CLCN1: variants seen among roughly 807,000 people sequenced by gnomAD.
CLCN1 encodes the protein chloride voltage-gated channel 1.
A neutral mutation model predicts 114.5 loss-of-function variants in CLCN1; 100 were observed. That is an observed-to-expected ratio of 0.87 (90% CI 0.74 to 1.03). CLCN1 has a LOEUF of 1.03. Among genes scored for constraint, CLCN1 ranks in the 50% least tolerant of loss-of-function variants. The pLI, the probability that CLCN1 is intolerant of heterozygous loss-of-function variation, is 0.00. For synonymous variants in CLCN1, 485 were observed against 487.1 expected (o/e 1.00, Z 0.06); for missense variants, 1,188 against 1,250.0 (o/e 0.95, Z 0.75).
chr7:143,321,684 G>T lies in CLCN1; in HGVS notation c.563-31G>T, dbSNP rs768733291. Reference sequence around the variant, plus strand: ...TCATCTCCCTTTTCACCTTCACCTTGACCCTGCACATAATCTTTCAACGCT... The same window carrying T: ...TCATCTCCCTTTTCACCTTCACCTTTACCCTGCACATAATCTTTCAACGCT... On this transcript the variant is annotated intron_variant, in intron 4 of 22. Transcript: ENST00000343257. The surrounding 1 kb of genome is among the most constrained non-coding windows in gnomAD (Gnocchi z 4.2). 1 of 1,613,944 alleles carries T rather than the reference G, an allele frequency of 6.2e-7. No individual in the cohort carries two copies. Among genetic ancestry groups the T allele is most frequent in the Non-Finnish European group, 8.5e-7 (1 of 1,179,938 alleles).
rs924436877 is a variant in CLCN1 at position 143,324,649 on chromosome 7, A to G, written c.853+157A>G. Among the ~76,000 whole-genome samples the G allele has an allele frequency of 6.6e-6, 1 of 152,236 alleles. No individual in the cohort carries two copies. Among genetic ancestry groups the G allele is most frequent in the Non-Finnish European group, 1.5e-5 (1 of 68,044 alleles). ...CTATGTGCCAGGCAATGTTTAAAGC[A>G]CTTACTTTTATTCCTGGCCAAAGCC... On this transcript the variant is annotated intron_variant, in intron 7 of 22. Transcript: ENST00000343257. This position sits in a 1 kb window ranked among gnomAD's most constrained non-coding sequence, Gnocchi z 4.6.
chr7:143,319,738 A>T lies in CLCN1; in HGVS notation c.181-17A>T. Reference sequence around the variant, plus strand: ...GTCTTCCACAAGGCAGACACTGATCATTCTCTCTCTGTCCAGATTTATGGC... The same window carrying T: ...GTCTTCCACAAGGCAGACACTGATCTTTCTCTCTCTGTCCAGATTTATGGC... On this transcript the variant is annotated splice_polypyrimidine_tract_variant and intron_variant, in intron 1 of 22. Transcript: ENST00000343257. 1 of 1,613,560 alleles carries T rather than the reference A, an allele frequency of 6.2e-7. No individual in the cohort carries two copies. Among genetic ancestry groups the T allele is most frequent in the Non-Finnish European group, 8.5e-7 (1 of 1,179,480 alleles).
chr7:143,321,236 G>C lies in CLCN1; in HGVS notation c.434-129G>C. 9.0e-7 allele frequency: 1 copy of C among 1,109,428 alleles called. No individual in the cohort carries two copies. Among genetic ancestry groups the C allele is most frequent in the African/African-American group, 1.5e-5 (1 of 64,862 alleles). The allele number at this position is 1,109,428 out of a possible 1,614,324, so 68.7% of individuals were successfully genotyped here. On this transcript the variant is annotated intron_variant, in intron 3 of 22. Transcript: ENST00000343257. This position sits in a 1 kb window ranked among gnomAD's most constrained non-coding sequence, Gnocchi z 4.2. Reference sequence around the variant, plus strand: ...CTCAGGCTTCCCATGTGTCAAATGAGAGCAGCACCATCTCAGAAGGGGCAC... The same window carrying C: ...CTCAGGCTTCCCATGTGTCAAATGACAGCAGCACCATCTCAGAAGGGGCAC...
chr7:143,341,599 T>TAA (rs1563084354), intron 14 of CLCN1, among the ~76,000 whole-genome samples: 1 of 149,868 alleles, frequency 6.7e-6, no homozygotes, highest in East Asian at 1.9e-4. Flanking sequence ...ATAATAATTT[T>TAA]AAAAAATAAT....
At position 143,350,754 on chromosome 7, in the gene CLCN1, C is replaced by T. The variant is rs1803373113; in HGVS notation, c.2595+100C>T. On this transcript the variant is annotated intron_variant, in intron 22 of 22. Transcript: ENST00000343257. The surrounding 1 kb of genome is among the most constrained non-coding windows in gnomAD (Gnocchi z 5.1). ...AGGAATATTAGCATCTCAGAAGTCC[C>T]CTCAGATTCCCTTCTCTATTTCTTT... The T allele has an allele frequency of 1.2e-6, 1 of 814,812 alleles. No homozygotes were observed. The highest frequency in any genetic ancestry group is 1.7e-5 in the African/African-American group (1 of 58,086). 50.5% of individuals were successfully genotyped at this position (814,812 alleles called of 1,614,324 possible). A position where few individuals can be genotyped will look rare whatever the true frequency, so the allele number is the denominator to read the frequency against.
intron 12 of CLCN1, among the ~76,000 whole-genome samples, chr7:143,335,013 C>T (rs1007934791): frequency 2.2e-4 from 34 of 152,146 alleles, no homozygotes; most frequent in Non-Finnish European, 3.8e-4. Context: ...CAGAATTGGA[C>T]GGTAGTCCAA....
intron 14 of CLCN1, among the ~76,000 whole-genome samples, chr7:143,340,999 A>G (rs1472335037): frequency 2.0e-5 from 3 of 152,152 alleles, no homozygotes; most frequent in African/African-American, 7.2e-5. Flanking sequence ...GGGAGCTTAT[A>G]GAATTATAAA....
chr7:143,336,533 G>GC (rs1467541824), intron 12 of CLCN1, among the ~76,000 whole-genome samples: 1 of 148,364 alleles, frequency 6.7e-6, no homozygotes, highest in Non-Finnish European at 1.5e-5. Flanking sequence ...TTGCTTGAAC[G>GC]CGGGAGCCAG....
chr7:143,338,631 C>T (rs1233712174), intron 12 of CLCN1, among the ~76,000 whole-genome samples: 1 of 151,608 alleles, frequency 6.6e-6, no homozygotes. Flanking sequence ...ACTAAAAATA[C>T]AAAAAATTAG....
intron 7 of CLCN1, among the ~76,000 whole-genome samples, chr7:143,328,236 T>C (rs535021365): frequency 2.7e-5 from 1 of 37,436 alleles, no homozygotes; most frequent in African/African-American, 6.1e-5. Flanking sequence ...ATAGGTGTAG[T>C]TGTGGCATGA....
chr7:143,350,658 A>G lies in CLCN1; in HGVS notation c.2595+4A>G, dbSNP rs1803370790. 1.2e-6 allele frequency: 2 copies of G among 1,612,210 alleles called. No individual in the cohort carries two copies. The highest frequency in any genetic ancestry group is 1.7e-6 in the Non-Finnish European group (2 of 1,178,336). On this transcript the variant is annotated splice_donor_region_variant and intron_variant, in intron 22 of 22. Transcript: ENST00000343257. The surrounding 1 kb of genome is among the most constrained non-coding windows in gnomAD (Gnocchi z 5.1). Reference sequence around the variant, plus strand: ...GGGCGTCCTGGCCCTGGAGGAGGTAATCACGATGTGTCCCATTTGAGCAGC... The same window carrying G: ...GGGCGTCCTGGCCCTGGAGGAGGTAGTCACGATGTGTCCCATTTGAGCAGC...
At chr7:143,351,155 G>A (rs62472680) in intron 22 of CLCN1, among the ~76,000 whole-genome samples, 15,112 of 152,216 alleles carry the variant, frequency 0.099, 945 homozygotes, top group Middle Eastern at 0.21. Context: ...TACGAAGCCT[G>A]TTATGGCCAC....
chr7:143,328,285 A>G (rs1470275663), intron 7 of CLCN1, among the ~76,000 whole-genome samples: 1 of 152,152 alleles, frequency 6.6e-6, no homozygotes, highest in Non-Finnish European at 1.5e-5. Context: ...GTCTATGAGT[A>G]GGAGGAGCAG....
chr7:143,316,440 T>C, intron 1 of CLCN1, 48 bp downstream of exon 1: 1 of 1,545,396 alleles, frequency 6.5e-7, no homozygotes, highest in East Asian at 2.3e-5. Flanking sequence ...GGGGAGACAG[T>C]GGTGCCAGAG....
chr7:143,346,029 C>A, intron 17 of CLCN1, 111 bp from the exon 18 acceptor site: 1 of 860,832 alleles, frequency 1.2e-6, no homozygotes, highest in Non-Finnish European at 2.0e-6. Flanking sequence ...AATTTCTGAA[C>A]TGGGGGGAAG....
At chr7:143,319,342 G>A (rs559643529) in intron 1 of CLCN1, among the ~76,000 whole-genome samples, 2 of 152,196 alleles carry the variant, frequency 1.3e-5, no homozygotes, top group Non-Finnish European at 2.9e-5. Flanking sequence ...CCCTGTTCAT[G>A]TTAGGAGAAA....
chr7:143,349,139 T>C (rs1434291409), intron 20 of CLCN1, among the ~76,000 whole-genome samples: 1 of 152,218 alleles, frequency 6.6e-6, no homozygotes, highest in Non-Finnish European at 1.5e-5. Context: ...CAGATGATCA[T>C]AGAAAAGACC....
chr7:143,342,145 C>G lies in CLCN1; in HGVS notation c.1796+3C>G. The G allele has an allele frequency of 6.2e-7, 1 of 1,613,390 alleles. No homozygotes were observed. The highest frequency in any genetic ancestry group is 8.5e-7 in the Non-Finnish European group (1 of 1,179,416). ...GACCTTGGCTGGAACCAGCTCAGGT[C>G]AGGGGCACTAGACGGAATTAGTTCA... On this transcript the variant is annotated splice_donor_region_variant and intron_variant, in intron 15 of 22. Coordinates refer to ENST00000343257, the MANE Select transcript of CLCN1 (RefSeq NM_000083.3).
At chr7:143,349,363 C>T (rs1803336944) in intron 20 of CLCN1, among the ~76,000 whole-genome samples, 1 of 152,190 alleles carries the variant, frequency 6.6e-6, no homozygotes, top group African/African-American at 2.4e-5. Flanking sequence ...CTACGGGCTA[C>T]ACACCAGATC....
Sources: gnomAD v4.1 joint callset for allele counts (sites outside exome capture counted in the v4.1 genomes callset) on GRCh38, gnomAD v4.1.1 for gene constraint, Gnocchi (gnomAD v3.1) non-coding constraint, MANE v1.5 for transcripts, NCBI Gene and HGNC (gene_info 2026-07-23, HGNC 2026-07-21) for gene names.